LAMA1: variants seen among roughly 807,000 people sequenced by gnomAD.
The protein encoded by LAMA1 is laminin subunit alpha-1.
A neutral mutation model predicts 348.7 loss-of-function variants in LAMA1; 219 were observed. The observed-to-expected ratio is 0.63, with a 90% CI of 0.56 to 0.70. The LOEUF (loss-of-function observed/expected upper bound fraction) is 0.70, where lower values mean the gene tolerates loss of function less well. LAMA1 is among the 30% of genes least tolerant of loss of function. The pLI is 0.00. For synonymous variants in LAMA1, 1,487 were observed against 1,491.0 expected (o/e 1.00, Z 0.06); for missense variants, 3,744 against 3,888.0 (o/e 0.96, Z 0.99).
intron 54 of LAMA1, 114 bp from the exon 55 acceptor site, chr18:6,958,776 G>T: frequency 1.1e-6 from 1 of 904,012 alleles, no homozygotes; most frequent in Non-Finnish European, 1.7e-6. Flanking sequence ...TTCCCTAAAG[G>T]TTCATTTTAA....
chr18:7,071,017 C>T (rs2058143919), intron 3 of LAMA1, among the ~76,000 whole-genome samples: 1 of 151,984 alleles, frequency 6.6e-6, no homozygotes, highest in East Asian at 1.9e-4. Context: ...CCCTACTGAG[C>T]AGGCAAACAG....
chr18:6,997,212 C>T lies in LAMA1; in HGVS notation c.4806+530G>A, dbSNP rs150527155. On this transcript the variant is annotated intron_variant, in intron 33 of 62. Transcript: ENST00000389658. ...CCAGGTAGCTGGGACTACAGGCACG[C>T]GCCACCACATCCAGCTAATTTTTGT... 3.1e-3 allele frequency among the ~76,000 whole-genome samples: 469 copies of T among 152,152 alleles called. 3 individuals are homozygous for T. In the Middle Eastern group the frequency reaches 0.065, roughly 21 times the overall value.
intron 33 of LAMA1, 145 bp from the exon 34 acceptor site, chr18:6,995,591 A>G (rs1240828237): frequency 1.5e-6 from 1 of 660,598 alleles, no homozygotes. Flanking sequence ...AATGGATCAC[A>G]TTTACTTAGG....
chr18:6,945,244 AG>A (rs752269607), intron 61 of LAMA1, among the ~76,000 whole-genome samples: 2 of 152,250 alleles, frequency 1.3e-5, no homozygotes, highest in Non-Finnish European at 2.9e-5. Context: ...TAGATACAAA[AG>A]TTTTTAAAGT....
chr18:7,091,139 G>T lies in LAMA1; in HGVS notation c.62-10682C>A, dbSNP rs564217777. ...ATACAAGTTTAGTTGGCAGAGAAAA[G>T]AACTTTAATTCATTCATCGTGAAGC... On this transcript the variant is annotated intron_variant, in intron 1 of 62. Transcript: ENST00000389658. Among the ~76,000 whole-genome samples the T allele has an allele frequency of 1.1e-4, 17 of 152,318 alleles. No homozygotes were observed. In the South Asian group the frequency reaches 1.4e-3, roughly 13 times the overall value.
Position 6,942,172 on chromosome 18 carries a change from C to T in LAMA1, c.9135G>A (p.Leu3045=), listed in dbSNP as rs1433824593. ...SFRGCLRKLA[L]IKSPQVQSFD... is the part of the protein sequence containing the mutation. ...AGGACTGCACCTGCGGGCTCTTAAT[C>T]AGAGCTAGCTTCCTCAAACACCCGC... The change falls in exon 63 of 63, where the codon CTG becomes CTA. Residue 3045 remains leucine (L), a synonymous_variant. Transcript: ENST00000389658. 1 of 1,614,158 alleles carries T rather than the reference C, an allele frequency of 6.2e-7. No homozygotes were observed. Among genetic ancestry groups the T allele is most frequent in the Non-Finnish European group, 8.5e-7 (1 of 1,180,038 alleles).
rs2057501842 is a variant in LAMA1, at chr18:6,942,237, C to T, written c.9070G>A (p.Gly3024Ser). 2.5e-6 allele frequency: 4 copies of T among 1,613,990 alleles called. No individual in the cohort carries two copies. The highest frequency in any genetic ancestry group is 1.6e-4 in the Middle Eastern group (1 of 6,062). The change falls in exon 63 of 63, where the codon GGT becomes AGT. Residue 3024 changes from glycine (G) to serine (S), a missense_variant and splice_region_variant. Gly to Ser is a moderately conservative substitution (Grantham distance 56). Around this residue, in one of 3 missense-constraint regions of LAMA1, gnomAD observed 232 missense variants for 264.4 expected, o/e 0.88. Transcript: ENST00000389658. ...CTGCGCAGGCATTTTTGCTTCACAC[C>T]AGCTGTTCAGGAAAGAAGAGAAGAC... ...NPIYVGGYPAGVKQKCLRSQT... is the reference protein window; with the variant it reads ...NPIYVGGYPASVKQKCLRSQT...
intron 30 of LAMA1, among the ~76,000 whole-genome samples, chr18:7,002,000 A>C (rs1421843411): frequency 5.9e-5 from 9 of 152,252 alleles, no homozygotes; most frequent in Non-Finnish European, 1.3e-4. Flanking sequence ...GCTGTGGGCT[A>C]AAATGAGTCT....
At position 6,974,977 on chromosome 18, in the gene LAMA1, G is replaced by C. The variant is rs1270273846; in HGVS notation, c.6549C>G (p.Gly2183=). Residue 2183 remains glycine, a synonymous_variant, in exon 46 of 63, where the codon GGC becomes GGG. Coordinates refer to ENST00000389658, the MANE Select transcript of LAMA1 (RefSeq NM_005559.4). ...RGRVAFLWDL[G]SGSTRLEFPD... ...GAAACTCCAAGCGTGTGGACCCGGA[G>C]CCCAGGTCCCACAGGAAGGCCACTC... 7 of 1,613,814 alleles carry C rather than the reference G, an allele frequency of 4.3e-6. No homozygotes were observed. The highest frequency in any genetic ancestry group is 5.9e-6 in the Non-Finnish European group (7 of 1,179,946).
chr18:6,994,726 T>G (rs2057773713), intron 34 of LAMA1, among the ~76,000 whole-genome samples: 1 of 124,174 alleles, frequency 8.1e-6, no homozygotes, highest in Admixed American at 8.3e-5. Flanking sequence ...GAAAAAACAG[T>G]AAATTTGACA....
At chr18:6,956,424 C>T (rs1341459105) in intron 56 of LAMA1, 1 of 748,328 alleles carries the variant, frequency 1.3e-6, no homozygotes, top group Non-Finnish European at 2.4e-6. Flanking sequence ...GGTGTTGGGG[C>T]CTACAATCTA....
intron 4 of LAMA1, 57 bp from the exon 5 acceptor site, chr18:7,049,314 T>TA: frequency 6.0e-6 from 9 of 1,504,750 alleles, no homozygotes; most frequent in Middle Eastern, 1.8e-4. Flanking sequence ...TTTATTTATT[T>TA]TTTGAGATGG....
intron 42 of LAMA1, among the ~76,000 whole-genome samples, chr18:6,979,005 T>C (rs180888029): frequency 2.0e-5 from 3 of 152,308 alleles, no homozygotes; most frequent in African/African-American, 7.2e-5. Flanking sequence ...AAAGACACTA[T>C]CATTCATTTT....
At chr18:7,088,046 G>A (rs1366276340) in intron 1 of LAMA1, among the ~76,000 whole-genome samples, 1 of 152,154 alleles carries the variant, frequency 6.6e-6, no homozygotes, top group Non-Finnish European at 1.5e-5. Context: ...AGAAGAAGAA[G>A]TGGGTTGGCC....
chr18:7,030,401 C>CAA (rs2057963379), intron 16 of LAMA1, among the ~76,000 whole-genome samples: 2 of 152,052 alleles, frequency 1.3e-5, no homozygotes, highest in African/African-American at 4.8e-5. Context: ...ACTAAAAAGG[C>CAA]AAAGTCACTG....
chr18:6,944,838 T>C (rs1389262679), intron 61 of LAMA1, among the ~76,000 whole-genome samples: 1 of 152,202 alleles, frequency 6.6e-6, no homozygotes, highest in East Asian at 1.9e-4. Flanking sequence ...AATGTACTTT[T>C]TGAAGATTCT....
intron 53 of LAMA1, chr18:6,960,222 A>G (rs144783196): frequency 1.9e-5 from 3 of 156,122 alleles, no homozygotes; most frequent in East Asian, 1.9e-4. Context: ...TTATCCACAT[A>G]TGTTCATAGC....
intron 1 of LAMA1, among the ~76,000 whole-genome samples, chr18:7,108,486 C>G (rs1483739980): frequency 6.6e-6 from 1 of 151,682 alleles, no homozygotes; most frequent in African/African-American, 2.4e-5. Flanking sequence ...CATGGTGAAA[C>G]CCTGTCTCTA....
At chr18:7,080,117 C>T (rs893517236) in intron 2 of LAMA1, 30 bp from the exon 3 acceptor site, 7 of 1,583,678 alleles carry the variant, frequency 4.4e-6, no homozygotes, top group African/African-American at 2.7e-5. Context: ...AACATGAATT[C>T]CTCTCGGCTG....
Sources: allele counts gnomAD v4.1 joint callset (sites outside exome capture counted in the v4.1 genomes callset), GRCh38; gene constraint gnomAD v4.1.1; regional missense constraint gnomAD v4.1.1; transcripts MANE v1.5; gene names NCBI Gene and HGNC (gene_info 2026-07-23, HGNC 2026-07-21).